Variants in PIBF1 observed in about 807,000 individuals in gnomAD.
PIBF1 encodes the protein progesterone immunomodulatory binding factor 1.
Under a neutral mutation model 112.5 loss-of-function variants are expected in PIBF1, and 90 were observed. That is an observed-to-expected ratio of 0.80 (90% CI 0.67 to 0.95). The LOEUF (loss-of-function observed/expected upper bound fraction) is 0.95, where lower values mean the gene tolerates loss of function less well. PIBF1 is among the 40% of genes least tolerant of loss of function. The pLI is 0.00. For missense variants in PIBF1, 915 were observed against 852.3 expected (o/e 1.07, Z -0.92); for synonymous variants, 301 against 288.6 (o/e 1.04, Z -0.44).
At chr13:72,983,906 A>G (rs1361768148) in intron 16 of PIBF1, among the ~76,000 whole-genome samples, 1 of 152,236 alleles carries the variant, frequency 6.6e-6, no homozygotes, top group African/African-American at 2.4e-5. Flanking sequence ...AAATGAAAAT[A>G]TACTTGTTTC....
chr13:72,988,112 C>T lies in PIBF1; in HGVS notation c.2050-10710C>T, dbSNP rs149088305. Among the ~76,000 whole-genome samples, 1,039 of 151,858 alleles carry T rather than the reference C, an allele frequency of 6.8e-3. 15 individuals are homozygous for T. Among genetic ancestry groups the T allele is most frequent in the African/African-American group, 0.024 (1,002 of 41,384 alleles). ...TCTTGACCTCGTGATCCACCCGCCT[C>T]TGCCTCCTAAAATGCTGAGATTACA... On this transcript the variant is annotated intron_variant, in intron 16 of 17. Coordinates refer to ENST00000326291, the MANE Select transcript of PIBF1 (RefSeq NM_006346.4).
intron 17 of PIBF1, among the ~76,000 whole-genome samples, chr13:73,013,300 CAAAAAAA>C (rs869055620): frequency 3.4e-4 from 5 of 14,674 alleles, no homozygotes; most frequent in Non-Finnish European, 6.5e-4. Flanking sequence ...GACTCTGTCT[CAAAAAAA>C]AAAAAAAAAA....
chr13:72,884,771 CTAACA>C (rs768305232), intron 10 of PIBF1: 2 of 152,044 alleles, frequency 1.3e-5, no homozygotes, highest in East Asian at 1.9e-4. Context: ...TACTGAGTGC[CTAACA>C]TAAGATTATA....
chr13:72,797,479 C>T (rs112664725), intron 4 of PIBF1, among the ~76,000 whole-genome samples: 73 of 152,274 alleles, frequency 4.8e-4, no homozygotes, highest in African/African-American at 1.7e-3. Context: ...GAGGGCTTTA[C>T]TAACAAGGTA....
intron 14 of PIBF1, among the ~76,000 whole-genome samples, chr13:72,942,541 C>T (rs1034301797): frequency 6.6e-6 from 1 of 152,118 alleles, no homozygotes; most frequent in Non-Finnish European, 1.5e-5. Flanking sequence ...ATACTCAAAA[C>T]TCAATTGAAG....
rs766010705 is a variant in PIBF1, at chr13:72,998,978, C to A, written c.2206C>A (p.Pro736Thr). 21 of 1,594,828 alleles carry A rather than the reference C, an allele frequency of 1.3e-5. No individual in the cohort carries two copies. The South Asian group carries it at 1.4e-4, about 10-fold the overall frequency. Reference sequence around the variant, plus strand: ...AGAGCATGAAGACAATATATTTACACCTAAACCAACACTCTTTGTAAGTAC... The same window carrying A: ...AGAGCATGAAGACAATATATTTACAACTAAACCAACACTCTTTGTAAGTAC... ...PKEHEDNIFT[P>T]KPTLFTKKEA... Residue 736 changes from proline to threonine, a missense_variant, in exon 17 of 18, where the codon CCT (proline) becomes ACT (threonine). Transcript: ENST00000326291.
chr13:72,891,439 CAA>C (rs1052422260), intron 10 of PIBF1, among the ~76,000 whole-genome samples: 11 of 152,140 alleles, frequency 7.2e-5, no homozygotes, highest in African/African-American at 2.6e-4. Context: ...CAACTTGCCT[CAA>C]AGAGTACAGG....
At chr13:72,877,753 C>CT (rs569331110) in intron 10 of PIBF1, among the ~76,000 whole-genome samples, 3,909 of 139,920 alleles carry the variant, frequency 0.028, 108 homozygotes, top group African/African-American at 0.067. Context: ...CTTTTCTTTT[C>CT]TTTTTTTTTT....
chr13:72,798,119 T>C (rs1027193794), intron 5 of PIBF1, 93 bp downstream of exon 5: 1 of 1,337,318 alleles, frequency 7.5e-7, no homozygotes, highest in Non-Finnish European at 1.0e-6. Context: ...AAGTCAGTGA[T>C]TGAAAAATGG....
At chr13:72,845,574 C>G (rs2037833140) in intron 9 of PIBF1, among the ~76,000 whole-genome samples, 1 of 152,096 alleles carries the variant, frequency 6.6e-6, no homozygotes, top group African/African-American at 2.4e-5. Flanking sequence ...TCTTGTAGAT[C>G]CTTGAGGAAT....
chr13:72,792,307 A>T, intron 2 of PIBF1, 140 bp from the exon 3 acceptor site: 1 of 579,250 alleles, frequency 1.7e-6, no homozygotes, highest in Non-Finnish European at 3.0e-6. Flanking sequence ...TGCTGGAATT[A>T]TAGGCGTGAG....
chr13:72,857,708 C>T (rs893497693), intron 10 of PIBF1, among the ~76,000 whole-genome samples: 8 of 152,102 alleles, frequency 5.3e-5, no homozygotes, highest in African/African-American at 1.9e-4. Context: ...GGCATAGTGG[C>T]ACGTGCCTGT....
At chr13:72,906,336 C>T (rs2138644557) in intron 11 of PIBF1, among the ~76,000 whole-genome samples, 1 of 152,092 alleles carries the variant, frequency 6.6e-6, no homozygotes, top group African/African-American at 2.4e-5. Flanking sequence ...TTGTATTATT[C>T]AGTTAATACA....
chr13:72,849,940 A>G (rs2038054514), intron 9 of PIBF1, among the ~76,000 whole-genome samples: 1 of 152,218 alleles, frequency 6.6e-6, no homozygotes, highest in African/African-American at 2.4e-5. Flanking sequence ...TGATATGTAA[A>G]GTGCTTAGGA....
chr13:72,883,567 A>C (rs1237813102), intron 10 of PIBF1, among the ~76,000 whole-genome samples: 2 of 152,122 alleles, frequency 1.3e-5, no homozygotes, highest in African/African-American at 2.4e-5. Flanking sequence ...GCCCACTGCA[A>C]ACCTCCGCCT....
intron 14 of PIBF1, among the ~76,000 whole-genome samples, chr13:72,945,549 G>A (rs1039340708): frequency 6.6e-6 from 1 of 152,088 alleles, no homozygotes. Context: ...CACCAGTTTT[G>A]ACTTTTTAAT....
Position 72,878,932 on chromosome 13 carries a change from A to G in PIBF1, c.1323-14852A>G, listed in dbSNP as rs75235262. Among the ~76,000 whole-genome samples, 974 of 152,104 alleles carry G rather than the reference A, an allele frequency of 6.4e-3. 13 individuals carry two copies. The highest frequency in any genetic ancestry group is 0.022 in the African/African-American group (904 of 41,524). On this transcript the variant is annotated intron_variant, in intron 10 of 17. Transcript: ENST00000326291. ...TCTGAAATTAATGCAAGCTACTCCC[A>G]GTTTCTTTTGAGTAGTGTTATAATG...
chr13:72,887,040 T>C (rs1349474475), intron 10 of PIBF1, among the ~76,000 whole-genome samples: 3 of 138,262 alleles, frequency 2.2e-5, no homozygotes, highest in African/African-American at 8.1e-5. Flanking sequence ...ATAGTTTTTC[T>C]TTTTTTTTTT....
chr13:72,875,325 T>C (rs1315847653), intron 10 of PIBF1, among the ~76,000 whole-genome samples: 2 of 152,172 alleles, frequency 1.3e-5, no homozygotes, highest in Non-Finnish European at 2.9e-5. Context: ...CTTGTTTGCT[T>C]CCAGGTTATG....
Sources: allele counts gnomAD v4.1 joint callset (sites outside exome capture counted in the v4.1 genomes callset), GRCh38; gene constraint gnomAD v4.1.1; transcripts MANE v1.5; gene names NCBI Gene and HGNC (gene_info 2026-07-23, HGNC 2026-07-21).